SUFU: variants seen among roughly 807,000 people sequenced by gnomAD.
The protein encoded by SUFU is suppressor of fused homolog.
A neutral mutation model predicts 58.9 loss-of-function variants in SUFU; 7 were observed. The observed-to-expected ratio is 0.12, with a 90% CI of 0.07 to 0.22. The LOEUF (loss-of-function observed/expected upper bound fraction) is 0.22, where lower values mean the gene tolerates loss of function less well. Ranked by LOEUF, SUFU falls within the 10% of genes least tolerant of loss-of-function variation. SUFU has a pLI of 1.00. For synonymous variants in SUFU, 232 were observed against 254.8 expected (o/e 0.91, Z 0.85); for missense variants, 451 against 641.3 (o/e 0.70, Z 3.20).
rs972665897 is a variant in SUFU, at chr10:102,617,139, C to A, written c.1158-151C>A. On this transcript the variant is annotated intron_variant, in intron 9 of 11. Transcript: ENST00000369902. This position sits in a 1 kb window ranked among gnomAD's most constrained non-coding sequence, Gnocchi z 4.4. ...TGAAATGAGCGTGTTTGGATACAGT[C>A]CCCTGTTGATGGGCAGGTGGGCAGC... The A allele has an allele frequency of 2.3e-6, 2 of 870,430 alleles. No homozygotes were observed. Among genetic ancestry groups the A allele is most frequent in the Non-Finnish European group, 3.7e-6 (2 of 536,678 alleles). 53.9% of individuals were successfully genotyped at this position (870,430 alleles called of 1,614,324 possible). A position where few individuals can be genotyped will look rare whatever the true frequency, so the allele number is the denominator to read the frequency against.
At chr10:102,556,010 C>T (rs1817439094) in intron 3 of SUFU, among the ~76,000 whole-genome samples, 1 of 152,212 alleles carries the variant, frequency 6.6e-6, no homozygotes, top group Non-Finnish European at 1.5e-5. Context: ...CCCATTTGCA[C>T]GTGAGAACAT....
intron 9 of SUFU, among the ~76,000 whole-genome samples, chr10:102,616,029 A>T (rs1408412394): frequency 7.2e-6 from 1 of 139,010 alleles, no homozygotes; most frequent in Non-Finnish European, 1.6e-5. Context: ...CCCCAGTAGC[A>T]CTGGTTTGTC....
Position 102,632,389 on chromosome 10 carries a change from C to A in SUFU, c.*2234C>A, listed in dbSNP as rs983498748. The A allele has an allele frequency of 2.1e-5, 5 of 233,144 alleles. No individual in the cohort carries two copies. Among genetic ancestry groups the A allele is most frequent in the Non-Finnish European group, 4.2e-5 (5 of 118,084 alleles). The allele number at this position is 233,144 out of a possible 1,614,324, so 14.4% of individuals were successfully genotyped here. A position where few individuals can be genotyped will look rare whatever the true frequency, so the allele number is the denominator to read the frequency against. On this transcript the variant is annotated 3_prime_UTR_variant, in exon 12 of 12. Transcript: ENST00000369902. ...CTTCGTACCTGCAATATGTCAGGAG[C>A]CTCACGCTCACCCAAGATCCTGCAG... is the stretch of plus-strand genomic sequence containing the variant.
intron 2 of SUFU, among the ~76,000 whole-genome samples, chr10:102,515,086 C>G (rs184788842): frequency 6.6e-6 from 1 of 152,198 alleles, no homozygotes; most frequent in Non-Finnish European, 1.5e-5. Flanking sequence ...TCTGCACCCC[C>G]CGTGGGGTCT....
Position 102,633,232 on chromosome 10 carries a change from C to T in SUFU, c.*3077C>T. Reference sequence around the variant, plus strand: ...TGGGTCCCTGTTACAAGTCAGGAGCCCTGTAGGGAGACCCCTCCTTTTGTA... The same window carrying T: ...TGGGTCCCTGTTACAAGTCAGGAGCTCTGTAGGGAGACCCCTCCTTTTGTA... On this transcript the variant is annotated 3_prime_UTR_variant, in exon 12 of 12. Coordinates refer to ENST00000369902, the MANE Select transcript of SUFU (RefSeq NM_016169.4). The T allele has an allele frequency of 4.3e-6, 1 of 233,232 alleles. No individual in the cohort carries two copies. Among genetic ancestry groups the T allele is most frequent in the Non-Finnish European group, 8.5e-6 (1 of 117,870 alleles). 14.4% of individuals were successfully genotyped at this position (233,232 alleles called of 1,614,324 possible).
In SUFU at chr10:102,599,038, C is replaced by T. The variant is rs552746118; in HGVS notation, c.911-395C>T. On this transcript the variant is annotated intron_variant, in intron 7 of 11. Coordinates refer to ENST00000369902, the MANE Select transcript of SUFU (RefSeq NM_016169.4). ...AGAAAGGTGTGTTAGAGGCACCTGC[C>T]CATTCATGGCAGGGTGCTTGCAGCC... 2.6e-5 allele frequency among the ~76,000 whole-genome samples: 4 copies of T among 152,278 alleles called. No individual in the cohort carries two copies. The South Asian group carries it at 8.3e-4, about 32-fold the overall frequency.
rs2063833014 is a variant in SUFU at position 102,631,010 on chromosome 10, C to G, written c.*855C>G. On this transcript the variant is annotated 3_prime_UTR_variant, in exon 12 of 12. Coordinates refer to ENST00000369902, the MANE Select transcript of SUFU (RefSeq NM_016169.4). Reference sequence around the variant, plus strand: ...TTTCCAAGTGAATGGGTCTCAAAGACTTGGTGACCCCAGCCTCATCTTCTA... The same window carrying G: ...TTTCCAAGTGAATGGGTCTCAAAGAGTTGGTGACCCCAGCCTCATCTTCTA... 3 of 233,444 alleles carry G rather than the reference C, an allele frequency of 1.3e-5. No homozygotes were observed. The highest frequency in any genetic ancestry group is 2.5e-5 in the Non-Finnish European group (3 of 118,304). 14.5% of individuals were successfully genotyped at this position (233,444 alleles called of 1,614,324 possible). A position where few individuals can be genotyped will look rare whatever the true frequency, so the allele number is the denominator to read the frequency against.
At chr10:102,603,013 A>G (rs1161812988) in intron 8 of SUFU, among the ~76,000 whole-genome samples, 1 of 152,182 alleles carries the variant, frequency 6.6e-6, no homozygotes, top group African/African-American at 2.4e-5. Context: ...GTGCCTGCCA[A>G]TATCTGTAGA....
intron 2 of SUFU, among the ~76,000 whole-genome samples, chr10:102,542,045 C>A (rs910097296): frequency 6.6e-6 from 1 of 151,224 alleles, no homozygotes; most frequent in African/African-American, 2.4e-5. Context: ...CCACCATGCC[C>A]GACTAATTTT....
chr10:102,593,682 A>G lies in SUFU; in HGVS notation c.644A>G (p.Asn215Ser), dbSNP rs1178631893. The change falls in exon 5 of 12, where the codon AAC (asparagine) becomes AGC (serine). Residue 215 changes from asparagine (N) to serine (S), a missense_variant. Transcript: ENST00000369902. ...GAGCTACACTCAGCCCAGCAGTGGA[A>G]CGGGCAGGGCATCCTGGAGCTGCTG... ...TEELHSAQQW[N>S]GQGILELLRT... The G allele has an allele frequency of 1.2e-6, 2 of 1,614,202 alleles. No individual in the cohort carries two copies. The highest frequency in any genetic ancestry group is 1.6e-4 in the Middle Eastern group (1 of 6,062).
At chr10:102,598,708 A>G (rs1052066347) in intron 7 of SUFU, among the ~76,000 whole-genome samples, 4 of 152,120 alleles carry the variant, frequency 2.6e-5, no homozygotes, top group African/African-American at 9.7e-5. Context: ...CTCTAAGGCC[A>G]CTCTTTGAGC....
rs4917979 is a variant in SUFU at position 102,628,953 on chromosome 10, T to C, written c.1366-1113T>C. 0.15 allele frequency among the ~76,000 whole-genome samples: 23,012 copies of C among 152,012 alleles called. 2,246 individuals carry two copies. The highest frequency in any genetic ancestry group is 0.41 in the East Asian group (2,130 of 5,142). On this transcript the variant is annotated intron_variant, in intron 11 of 11. Transcript: ENST00000369902. The surrounding 1 kb of genome is among the most constrained non-coding windows in gnomAD (Gnocchi z 4.5). ...GGTGGATCACCTGAGGTCGGGAATT[T>C]GAGACCAGCCTGACCAACATGGAGA...
At chr10:102,590,116 A>G (rs1477411343) in intron 3 of SUFU, among the ~76,000 whole-genome samples, 2 of 139,810 alleles carry the variant, frequency 1.4e-5, no homozygotes, top group South Asian at 2.3e-4. Context: ...GTCATTGTGT[A>G]TAACCACCTC....
intron 2 of SUFU, among the ~76,000 whole-genome samples, chr10:102,539,437 G>T (rs1158689253): frequency 1.1e-5 from 1 of 87,298 alleles, no homozygotes; most frequent in East Asian, 2.6e-4. Flanking sequence ...TACTTTGATT[G>T]TTTGGTTAAG....
chr10:102,559,993 C>T (rs1475247625), intron 3 of SUFU, among the ~76,000 whole-genome samples: 1 of 152,198 alleles, frequency 6.6e-6, no homozygotes, highest in Non-Finnish European at 1.5e-5. Context: ...GCTGGGATGG[C>T]ACTGCATGAG....
rs1014839670 is a variant in SUFU at position 102,629,362 on chromosome 10, C to T, written c.1366-704C>T. Among the ~76,000 whole-genome samples, 4 of 152,184 alleles carry T rather than the reference C, an allele frequency of 2.6e-5. No individual in the cohort carries two copies. The highest frequency in any genetic ancestry group is 4.8e-5 in the African/African-American group (2 of 41,446). On this transcript the variant is annotated intron_variant, in intron 11 of 11. Coordinates refer to ENST00000369902, the MANE Select transcript of SUFU (RefSeq NM_016169.4). The surrounding 1 kb of genome is among the most constrained non-coding windows in gnomAD (Gnocchi z 4.7). ...AGAACTGTAGGCAAATCAGTGTATC[C>T]TGGGATGGGGTGGGAGACATTTGGC...
chr10:102,585,780 A>G (rs1564693407), intron 3 of SUFU, among the ~76,000 whole-genome samples: 1 of 151,450 alleles, frequency 6.6e-6, no homozygotes, highest in Non-Finnish European at 1.5e-5. Flanking sequence ...TGGCCTCCCA[A>G]CACTTTGGGA....
intron 3 of SUFU, among the ~76,000 whole-genome samples, chr10:102,583,725 C>CT (rs1202440242): frequency 3.3e-5 from 5 of 151,284 alleles, no homozygotes; most frequent in Admixed American, 3.3e-4. Context: ...TTTAATTGTA[C>CT]TTTAAGTTTT....
intron 2 of SUFU, among the ~76,000 whole-genome samples, chr10:102,520,203 T>G (rs534414603): frequency 1.7e-5 from 2 of 115,104 alleles, no homozygotes; most frequent in East Asian, 2.2e-4. Flanking sequence ...GTACAGTTCT[T>G]TTTTCTTTCT....
Sources: gnomAD v4.1 joint callset for allele counts (sites outside exome capture counted in the v4.1 genomes callset) on GRCh38, gnomAD v4.1.1 for gene constraint, Gnocchi (gnomAD v3.1) non-coding constraint, MANE v1.5 for transcripts, NCBI Gene and HGNC (gene_info 2026-07-23, HGNC 2026-07-21) for gene names.